The following FLRT1 variants were observed in gnomAD, a reference collection of about 807,000 sequenced individuals.
FLRT1 encodes the protein leucine-rich repeat transmembrane protein FLRT1.
Under a neutral mutation model 30.9 loss-of-function variants are expected in FLRT1, and 14 were observed. That is an observed-to-expected ratio of 0.45 (90% CI 0.30 to 0.71). The LOEUF (loss-of-function observed/expected upper bound fraction) is 0.71. FLRT1 is among the 30% of genes least tolerant of loss of function. FLRT1 has a pLI of 0.08. For missense variants in FLRT1, 737 were observed against 949.2 expected, an observed-to-expected ratio of 0.78 and a Z score of 2.94; for synonymous variants, 368 against 430.4, an observed-to-expected ratio of 0.85 and a Z score of 1.80.
intron 1 of FLRT1, among the ~76,000 whole-genome samples, chr11:64,095,248 T>C (rs961110553): frequency 3.3e-5 from 5 of 152,194 alleles, no homozygotes; most frequent in African/African-American, 1.2e-4. Context: ...AGCTAGTCTC[T>C]CAGGCGCACT....
chr11:64,106,435 C>T lies in FLRT1; in HGVS notation c.-50+2254C>T, dbSNP rs1161497103. Among the ~76,000 whole-genome samples, 4 of 152,304 alleles carry T rather than the reference C, an allele frequency of 2.6e-5. No individual in the cohort carries two copies. The East Asian group carries it at 7.7e-4, about 29-fold the overall frequency. ...TACTGAGCACTTTCTGTGCCAGGCTCCATGCCAGGCACAAGGCAGACCATG... is the reference window on the plus strand; with the variant it reads ...TACTGAGCACTTTCTGTGCCAGGCTTCATGCCAGGCACAAGGCAGACCATG... On this transcript the variant is annotated intron_variant, in intron 2 of 2. Coordinates refer to ENST00000682287, the MANE Select transcript of FLRT1 (RefSeq NM_013280.5).
At chr11:64,065,249 G>A (rs553419824) in intron 1 of FLRT1, among the ~76,000 whole-genome samples, 3 of 152,298 alleles carry the variant, frequency 2.0e-5, no homozygotes, top group South Asian at 2.1e-4. Context: ...TTGAGCGATC[G>A]GAGCAGTGAG....
chr11:64,071,019 G>T (rs999859484), intron 1 of FLRT1, among the ~76,000 whole-genome samples: 1 of 152,112 alleles, frequency 6.6e-6, no homozygotes, highest in South Asian at 2.1e-4. Flanking sequence ...AGTTCACAGA[G>T]CGGCCATACT....
chr11:64,062,129 C>A (rs1004481310), intron 1 of FLRT1, among the ~76,000 whole-genome samples: 1 of 152,084 alleles, frequency 6.6e-6, no homozygotes, highest in Non-Finnish European at 1.5e-5. Context: ...CTCTCCTCCG[C>A]AAGGCCTTCC....
At chr11:64,074,268 G>A (rs1484873828) in intron 1 of FLRT1, among the ~76,000 whole-genome samples, 1 of 152,208 alleles carries the variant, frequency 6.6e-6, no homozygotes, top group Non-Finnish European at 1.5e-5. Flanking sequence ...TCTCAGGTGT[G>A]AGGCTCATGA....
intron 1 of FLRT1, among the ~76,000 whole-genome samples, chr11:64,043,284 C>T (rs757654767): frequency 6.6e-6 from 1 of 152,158 alleles, no homozygotes; most frequent in Non-Finnish European, 1.5e-5. Context: ...GCTCGGGGCT[C>T]TGAGGAGCTC....
In FLRT1 at chr11:64,047,081, C is replaced by T. The variant is rs990702054; in HGVS notation, c.-1038+10922C>T. 2.6e-5 allele frequency among the ~76,000 whole-genome samples: 4 copies of T among 152,060 alleles called. No individual in the cohort carries two copies. The South Asian group carries it at 6.2e-4, about 24-fold the overall frequency. On this transcript the variant is annotated intron_variant, in intron 1 of 2. Transcript: ENST00000682287. ...CATGCTCACACCTCTGAGCCTTCGA[C>T]GTGCTGTTCCCTGTGTCTGGAAGGC...
intron 1 of FLRT1, among the ~76,000 whole-genome samples, chr11:64,040,419 G>C (rs998808733): frequency 2.0e-5 from 3 of 152,126 alleles, no homozygotes; most frequent in African/African-American, 7.2e-5. Flanking sequence ...GGGGCTCAAG[G>C]CACCCGGCCA....
intron 1 of FLRT1, among the ~76,000 whole-genome samples, chr11:64,041,093 G>A (rs547085708): frequency 3.9e-4 from 59 of 150,110 alleles, no homozygotes; most frequent in African/African-American, 1.4e-3. Context: ...TCCTGCCCGC[G>A]TCACTCTCCA....
At position 64,066,970 on chromosome 11, in the gene FLRT1, G is replaced by C. The variant is rs1590862506; in HGVS notation, c.-1038+30811G>C. The stretch of plus-strand genomic sequence containing the variant: ...CCAGTGCGCTACGGAGGGTCACACA[G>C]AGCCCAGCTGGCATCCCAAGCCTCT... On this transcript the variant is annotated intron_variant, in intron 1 of 2. Transcript: ENST00000682287. Among the ~76,000 whole-genome samples the C allele has an allele frequency of 2.6e-5, 4 of 152,184 alleles. No individual in the cohort carries two copies. The South Asian group carries it at 6.2e-4, about 24-fold the overall frequency.
intron 2 of FLRT1, among the ~76,000 whole-genome samples, chr11:64,113,039 C>A (rs1944890596): frequency 6.6e-6 from 1 of 152,208 alleles, no homozygotes; most frequent in Admixed American, 6.5e-5. Flanking sequence ...GTGTGACCTG[C>A]AACCCACAGA....
rs550556030 is a variant in FLRT1 at position 64,051,064 on chromosome 11, G to C, written c.-1038+14905G>C. Among the ~76,000 whole-genome samples the C allele has an allele frequency of 2.6e-4, 39 of 152,298 alleles. No individual in the cohort carries two copies. The East Asian group carries it at 3.7e-3, about 14-fold the overall frequency. On this transcript the variant is annotated intron_variant, in intron 1 of 2. Coordinates refer to ENST00000682287, the MANE Select transcript of FLRT1 (RefSeq NM_013280.5). ...CCAAGGATTGAGGCTCAAGTATTGT[G>C]CCCCACCGATCTGGAGGAGAGATTC...
intron 2 of FLRT1, among the ~76,000 whole-genome samples, chr11:64,107,868 G>A (rs185133084): frequency 9.6e-4 from 146 of 152,304 alleles, no homozygotes; most frequent in African/African-American, 3.4e-3. Flanking sequence ...CCACTCACAC[G>A]ACTCAAGGCT....
At chr11:64,055,853 G>A (rs1163491190) in intron 1 of FLRT1, among the ~76,000 whole-genome samples, 1 of 152,216 alleles carries the variant, frequency 6.6e-6, no homozygotes, top group African/African-American at 2.4e-5. Context: ...GGCCAGGCCG[G>A]TGACTCTTGG....
intron 1 of FLRT1, among the ~76,000 whole-genome samples, chr11:64,069,045 G>C (rs1565218151): frequency 6.6e-6 from 1 of 152,182 alleles, no homozygotes; most frequent in Non-Finnish European, 1.5e-5. Context: ...TCCTCCGGGG[G>C]CAGTGGCAGG....
rs1370905845 is a variant in FLRT1 at position 64,116,971 on chromosome 11, C to T, written c.704C>T (p.Ala235Val). 1 of 1,611,922 alleles carries T rather than the reference C, an allele frequency of 6.2e-7. No homozygotes were observed. The highest frequency in any genetic ancestry group is 8.5e-7 in the Non-Finnish European group (1 of 1,179,976). ...CTGGTGCTGGACGGTAACCTGCTGG[C>T]CAACCAGCGCATCGCCGACGACACC... ...RRLVLDGNLL[A>V]NQRIADDTFS... The change falls in exon 3 of 3, where the codon GCC becomes GTC. Residue 235 changes from alanine (A) to valine (V), a missense_variant. By Grantham distance (64) the Ala-to-Val change is moderately conservative. Transcript: ENST00000682287.
chr11:64,086,728 C>T (rs746932303), intron 1 of FLRT1, among the ~76,000 whole-genome samples: 2 of 152,148 alleles, frequency 1.3e-5, no homozygotes, highest in Non-Finnish European at 2.9e-5. Context: ...GGAAGGTTCT[C>T]GTGCTCACAG....
At chr11:64,084,206 C>A (rs963048261) in intron 1 of FLRT1, among the ~76,000 whole-genome samples, 2 of 152,182 alleles carry the variant, frequency 1.3e-5, no homozygotes, top group African/African-American at 4.8e-5. Flanking sequence ...CTCTCAGCCC[C>A]CTCCCAGGCC....
At chr11:64,087,356 G>C (rs1944412706) in intron 1 of FLRT1, among the ~76,000 whole-genome samples, 1 of 152,078 alleles carries the variant, frequency 6.6e-6, no homozygotes. Flanking sequence ...TGCCACCCCT[G>C]CCACCCCTGC....
Sources: gnomAD v4.1 joint callset for allele counts (sites outside exome capture counted in the v4.1 genomes callset) on GRCh38, gnomAD v4.1.1 for gene constraint, MANE v1.5 for transcripts, NCBI Gene and HGNC (gene_info 2026-07-23, HGNC 2026-07-21) for gene names.